The following SPRED2 variants were observed in gnomAD, a reference collection of about 807,000 sequenced individuals.
The protein encoded by SPRED2 is sprouty related EVH1 domain containing 2.
Under a neutral mutation model 43.0 loss-of-function variants are expected in SPRED2, and 47 were observed. The ratio of observed to expected loss-of-function variants is 1.09; its 90% CI spans 0.87 to 1.40. The LOEUF is 1.40. Ranked by LOEUF, SPRED2 falls within the 40% of genes most tolerant of loss-of-function variation. SPRED2 has a pLI of 0.00. For synonymous variants in SPRED2, 225 were observed against 225.7 expected (o/e 1.00, Z 0.03); for missense variants, 561 against 586.4 (o/e 0.96, Z 0.45).
chr2:65,349,143 C>T (rs914194885), intron 1 of SPRED2, among the ~76,000 whole-genome samples: 1 of 151,928 alleles, frequency 6.6e-6, no homozygotes, highest in Non-Finnish European at 1.5e-5. Context: ...CCCGTCTCTA[C>T]TAAAAGTACA....
intron 1 of SPRED2, among the ~76,000 whole-genome samples, chr2:65,368,523 G>A (rs1316215429): frequency 6.6e-6 from 1 of 152,158 alleles, no homozygotes; most frequent in Non-Finnish European, 1.5e-5. Flanking sequence ...GGAGAAATAA[G>A]TTCACAGTTC....
chr2:65,381,848 T>C (rs1377637218), intron 1 of SPRED2, among the ~76,000 whole-genome samples: 2 of 152,192 alleles, frequency 1.3e-5, no homozygotes, highest in Non-Finnish European at 2.9e-5. Context: ...GGGAATTACT[T>C]GGGGGCTTTC....
At chr2:65,410,632 G>A (rs1197603517) in intron 1 of SPRED2, among the ~76,000 whole-genome samples, 4 of 151,972 alleles carry the variant, frequency 2.6e-5, no homozygotes, top group African/African-American at 4.8e-5. Flanking sequence ...GGTGGTGGGC[G>A]CCTGTAGTCC....
intron 2 of SPRED2, among the ~76,000 whole-genome samples, chr2:65,341,055 T>TG (rs1405813533): frequency 3.0e-4 from 7 of 23,094 alleles, no homozygotes; most frequent in African/African-American, 6.6e-4. Context: ...GGCGGGGTGG[T>TG]GGGGGGGAGG....
At chr2:65,416,244 C>T (rs1676269478) in intron 1 of SPRED2, among the ~76,000 whole-genome samples, 1 of 152,160 alleles carries the variant, frequency 6.6e-6, no homozygotes, top group East Asian at 1.9e-4. Flanking sequence ...GTTGTTTCTC[C>T]TTGGTGACAT....
At chr2:65,341,323 G>A (rs1298497143) in intron 2 of SPRED2, among the ~76,000 whole-genome samples, 1 of 151,748 alleles carries the variant, frequency 6.6e-6, no homozygotes, top group African/African-American at 2.4e-5. Flanking sequence ...GTCAAGGAAT[G>A]TAAAGGGGAC....
intron 1 of SPRED2, among the ~76,000 whole-genome samples, chr2:65,405,987 A>AT (rs1676015029): frequency 6.6e-6 from 1 of 152,108 alleles, no homozygotes; most frequent in South Asian, 2.1e-4. Context: ...CCTGGCACTC[A>AT]TTTGGAGGAG....
At chr2:65,368,809 C>T (rs1373538919) in intron 1 of SPRED2, among the ~76,000 whole-genome samples, 1 of 152,116 alleles carries the variant, frequency 6.6e-6, no homozygotes, top group Non-Finnish European at 1.5e-5. Flanking sequence ...TTATTGGGTG[C>T]AGTGGCTCAT....
At chr2:65,388,865 G>C (rs76763012) in intron 1 of SPRED2, among the ~76,000 whole-genome samples, 1,564 of 152,228 alleles carry the variant, frequency 0.01, 31 homozygotes, top group African/African-American at 0.036. Context: ...CCATCTCACT[G>C]TAGCCCACCC....
intron 1 of SPRED2, among the ~76,000 whole-genome samples, chr2:65,362,419 G>A (rs1216049619): frequency 6.6e-6 from 1 of 151,986 alleles, no homozygotes; most frequent in Non-Finnish European, 1.5e-5. Context: ...ACAGGCGCCC[G>A]ACACCACGCC....
At chr2:65,401,937 G>GCA (rs1553426622) in intron 1 of SPRED2, among the ~76,000 whole-genome samples, 251 of 114,752 alleles carry the variant, frequency 2.2e-3, no homozygotes, top group Non-Finnish European at 2.9e-3. Context: ...GCGCGCGCGC[G>GCA]CACACACACA....
At chr2:65,309,424 T>G (rs1325915497), downstream of SPRED2, among the ~76,000 whole-genome samples, 2 of 147,306 alleles carry the variant, frequency 1.4e-5, no homozygotes, top group Non-Finnish European at 3.0e-5. Flanking sequence ...GAGAATCACT[T>G]GAGTCCAGGA....
At chr2:65,378,006 C>T (rs1675285074) in intron 1 of SPRED2, 1 of 247,806 alleles carries the variant, frequency 4.0e-6, no homozygotes, top group East Asian at 9.1e-5. Flanking sequence ...AGCATTTCCT[C>T]TGTAACATGT....
At chr2:65,339,904 C>T (rs549950679) in intron 2 of SPRED2, among the ~76,000 whole-genome samples, 2 of 152,234 alleles carry the variant, frequency 1.3e-5, no homozygotes, top group Admixed American at 1.3e-4. Flanking sequence ...CCCTTACTAA[C>T]TCCCCTTCTC....
intron 4 of SPRED2, among the ~76,000 whole-genome samples, chr2:65,320,941 C>T (rs1673390660): frequency 6.6e-6 from 1 of 152,162 alleles, no homozygotes; most frequent in South Asian, 2.1e-4. Flanking sequence ...GATTCTTAAA[C>T]ATCTCTCTGT....
chr2:65,309,046 C>T (rs1672997518), downstream of SPRED2, among the ~76,000 whole-genome samples: 1 of 151,752 alleles, frequency 6.6e-6, no homozygotes, highest in African/African-American at 2.4e-5. Flanking sequence ...ATTACAGCTA[C>T]TCAGGAGGCT....
chr2:65,401,133 ATT>A (rs879716281), intron 1 of SPRED2, among the ~76,000 whole-genome samples: 1 of 142,998 alleles, frequency 7.0e-6, no homozygotes, highest in Non-Finnish European at 1.5e-5. Context: ...ACGCCTGGCA[ATT>A]TTTTTTTTTT....
Position 65,312,706 on chromosome 2 carries a change from C to T in SPRED2, c.*795G>A. The stretch of plus-strand genomic sequence containing the variant: ...TAGAAACCTGAAATCCCCATTCTAG[C>T]CCTGGTCCAAGAGGATGCAATGCAG... On this transcript the variant is annotated 3_prime_UTR_variant, in exon 6 of 6. Transcript: ENST00000356388. 1.0e-6 allele frequency: 1 copy of T among 985,834 alleles called. No homozygotes were observed. Among genetic ancestry groups the T allele is most frequent in the Non-Finnish European group, 1.2e-6 (1 of 829,936 alleles). 61.1% of individuals were successfully genotyped at this position (985,834 alleles called of 1,614,324 possible).
At chr2:65,385,597 G>A (rs572328485) in intron 1 of SPRED2, among the ~76,000 whole-genome samples, 16 of 152,112 alleles carry the variant, frequency 1.1e-4, no homozygotes, top group South Asian at 2.1e-4. Context: ...CTGATACAGC[G>A]GTGGGGAGAA....
Sources: gnomAD v4.1 joint callset for allele counts (sites outside exome capture counted in the v4.1 genomes callset) on GRCh38, gnomAD v4.1.1 for gene constraint, MANE v1.5 for transcripts, NCBI Gene and HGNC (gene_info 2026-07-23, HGNC 2026-07-21) for gene names.